Variants in PCDHA2 observed in about 807,000 individuals in gnomAD.
PCDHA2 encodes protocadherin alpha 2.
A neutral mutation model predicts 66.0 loss-of-function variants in PCDHA2; 58 were observed. The ratio of observed to expected loss-of-function variants is 0.88; its 90% CI spans 0.71 to 1.09. PCDHA2 has a LOEUF of 1.09. PCDHA2 is among the 50% of genes least tolerant of loss of function. The probability of loss-of-function intolerance (pLI) is 0.00; values close to 1 mark genes in which losing one functional copy is unlikely to be tolerated. For synonymous variants in PCDHA2, 634 were observed against 554.0 expected (o/e 1.14, Z -2.03); for missense variants, 1,267 against 1,242.3 (o/e 1.02, Z -0.30).
At chr5:140,843,104 C>T in intron 1 of PCDHA2, 1 of 1,595,712 alleles carries the variant, frequency 6.3e-7, no homozygotes, top group African/African-American at 1.3e-5. Context: ...AGCGAAGGTG[C>T]GCGCAGTGGA....
At chr5:140,844,546 A>G (rs1268882110) in intron 1 of PCDHA2, among the ~76,000 whole-genome samples, 2 of 149,518 alleles carry the variant, frequency 1.3e-5, no homozygotes, top group Non-Finnish European at 3.0e-5. Context: ...CCCTTTGTTC[A>G]TGAGTTGGAA....
chr5:140,853,924 T>G, intron 1 of PCDHA2: 1 of 905,060 alleles, frequency 1.1e-6, no homozygotes, highest in Non-Finnish European at 1.3e-6. Flanking sequence ...ATCCCAACAT[T>G]TTGGGAGGCC....
At chr5:140,920,269 A>G (rs1342153832) in intron 1 of PCDHA2, among the ~76,000 whole-genome samples, 1 of 152,224 alleles carries the variant, frequency 6.6e-6, no homozygotes, top group Non-Finnish European at 1.5e-5. Flanking sequence ...TTATTACTTT[A>G]TGTAATCTTA....
At chr5:140,808,665 C>T (rs1554124681) in intron 1 of PCDHA2, 12 of 1,613,018 alleles carry the variant, frequency 7.4e-6, no homozygotes, top group South Asian at 1.1e-5. Flanking sequence ...GTGTCCTACT[C>T]GCTGGTAGAG....
intron 1 of PCDHA2, chr5:140,882,353 G>A (rs782054546): frequency 2.5e-6 from 4 of 1,614,174 alleles, no homozygotes; most frequent in Non-Finnish European, 3.4e-6. Flanking sequence ...GACGGGTAGT[G>A]GCCAGCTCCA....
At chr5:141,008,428 T>C (rs2098376052) in intron 3 of PCDHA2, among the ~76,000 whole-genome samples, 1 of 152,182 alleles carries the variant, frequency 6.6e-6, no homozygotes, top group Admixed American at 6.5e-5. Flanking sequence ...TGGGATCACT[T>C]TGCCCAGACA....
At chr5:140,830,524 T>G in intron 1 of PCDHA2, 1 of 1,314,736 alleles carries the variant, frequency 7.6e-7, no homozygotes. Context: ...ATTTTTATTT[T>G]AAATTTATAA....
chr5:140,921,203 G>A (rs782776779), intron 1 of PCDHA2, among the ~76,000 whole-genome samples: 22 of 151,476 alleles, frequency 1.5e-4, no homozygotes, highest in Non-Finnish European at 2.7e-4. Context: ...GATTGACAAC[G>A]ATAATTCACG....
At chr5:140,827,939 G>GA in intron 1 of PCDHA2, 7 of 1,144,254 alleles carry the variant, frequency 6.1e-6, no homozygotes, top group Non-Finnish European at 8.7e-6. Flanking sequence ...GTTATAGCTA[G>GA]CCAACATTCA....
At chr5:140,851,899 C>T (rs1295773158) in intron 1 of PCDHA2, 2 of 973,488 alleles carry the variant, frequency 2.1e-6, no homozygotes, top group African/African-American at 1.8e-5. Flanking sequence ...AGATTTGCCT[C>T]TTTAATGTCA....
At chr5:140,820,449 C>T (rs1175800232) in intron 1 of PCDHA2, among the ~76,000 whole-genome samples, 3 of 151,732 alleles carry the variant, frequency 2.0e-5, no homozygotes, top group Non-Finnish European at 4.4e-5. Context: ...TCTCTTGGTC[C>T]CTCTTGTCTT....
intron 1 of PCDHA2, among the ~76,000 whole-genome samples, chr5:140,952,538 T>C (rs558395294): frequency 6.6e-6 from 1 of 152,256 alleles, no homozygotes; most frequent in South Asian, 2.1e-4. Flanking sequence ...AGACTGGACT[T>C]CTTTGTCCAT....
chr5:140,997,668 TTGTGTGTG>T (rs35184029), intron 3 of PCDHA2, among the ~76,000 whole-genome samples: 1 of 148,244 alleles, frequency 6.7e-6, no homozygotes, highest in Non-Finnish European at 1.5e-5. Context: ...ATTATACAGC[TTGTGTGTG>T]TGTGTGTGTG....
At chr5:140,848,684 G>C (rs2040546580) in intron 1 of PCDHA2, 1 of 1,592,318 alleles carries the variant, frequency 6.3e-7, no homozygotes, top group African/African-American at 1.3e-5. Flanking sequence ...TGCCGCGCCT[G>C]TTCCAGTTGG....
rs371718634 is a variant in PCDHA2, at chr5:140,884,469, C to G, written c.2388+87117C>G. ...CCGCCCACCGAGGGCGCGTGCGCGCCGGGCAAGCCCACTCTAGTGTGCTCC... is the reference window on the plus strand; with the variant it reads ...CCGCCCACCGAGGGCGCGTGCGCGCGGGGCAAGCCCACTCTAGTGTGCTCC... On this transcript the variant is annotated intron_variant, in intron 1 of 3. Coordinates refer to ENST00000526136, the MANE Select transcript of PCDHA2 (RefSeq NM_018905.3). 7.7e-5 allele frequency: 124 copies of G among 1,613,648 alleles called. 1 individual carries two copies. The highest frequency in any genetic ancestry group is 9.6e-5 in the Non-Finnish European group (113 of 1,179,828).
chr5:140,938,828 G>A (rs570802606), intron 1 of PCDHA2, among the ~76,000 whole-genome samples: 84 of 152,072 alleles, frequency 5.5e-4, no homozygotes, highest in Admixed American at 1.4e-3. Context: ...ATGAGTTTGC[G>A]TTATAACAAA....
At position 140,794,900 on chromosome 5, in the gene PCDHA2, A is replaced by G; in HGVS notation, c.-65A>G. 6.7e-7 allele frequency: 1 copy of G among 1,489,742 alleles called. No homozygotes were observed. Among genetic ancestry groups the G allele is most frequent in the Admixed American group, 2.1e-5 (1 of 47,106 alleles). 92.3% of individuals were successfully genotyped at this position (1,489,742 alleles called of 1,614,324 possible). On this transcript the variant is annotated 5_prime_UTR_variant, in exon 1 of 4. Transcript: ENST00000526136. ...GAGAAGCAGCAGGACTTTAACAGAG[A>G]CTAGAATATTTAAATTTTTGCAAAA...
chr5:140,839,771 G>C (rs1190836066), intron 1 of PCDHA2, among the ~76,000 whole-genome samples: 1 of 151,892 alleles, frequency 6.6e-6, no homozygotes, highest in Non-Finnish European at 1.5e-5. Context: ...TACGTTTTTG[G>C]TAAGAATTTT....
intron 1 of PCDHA2, among the ~76,000 whole-genome samples, chr5:140,975,119 A>C (rs2096654213): frequency 6.6e-6 from 1 of 152,038 alleles, no homozygotes; most frequent in African/African-American, 2.4e-5. Context: ...CTGTTTTCCT[A>C]CTTACTATTG....
Sources: gnomAD v4.1 joint callset for allele counts (sites outside exome capture counted in the v4.1 genomes callset) on GRCh38, gnomAD v4.1.1 for gene constraint, MANE v1.5 for transcripts, NCBI Gene and HGNC (gene_info 2026-07-23, HGNC 2026-07-21) for gene names.